SUCLG2: variants seen among roughly 807,000 people sequenced by gnomAD.
SUCLG2 encodes the protein succinate--CoA ligase [GDP-forming] subunit beta, mitochondrial.
A neutral mutation model predicts 47.9 loss-of-function variants in SUCLG2; 42 were observed. The observed-to-expected ratio is 0.88, with a 90% CI of 0.69 to 1.14. SUCLG2 has a LOEUF of 1.14. Ranked by LOEUF, SUCLG2 falls within the 50% of genes most tolerant of loss-of-function variation. SUCLG2 has a pLI of 0.00. For synonymous variants in SUCLG2, 195 were observed against 197.3 expected, an observed-to-expected ratio of 0.99 and a Z score of 0.10; for missense variants, 571 against 525.9, an observed-to-expected ratio of 1.09 and a Z score of -0.84.
intron 2 of SUCLG2, among the ~76,000 whole-genome samples, chr3:67,602,056 CAGAA>C (rs1178041417): frequency 2.0e-5 from 3 of 151,572 alleles, no homozygotes; most frequent in African/African-American, 7.3e-5. Context: ...ACCAAAAAGA[CAGAA>C]AGTAAAATTA....
At chr3:67,400,955 TTTTG>T (rs748218839) in intron 9 of SUCLG2, 104 bp from the exon 10 acceptor site, 227 of 1,506,064 alleles carry the variant, frequency 1.5e-4, no homozygotes, top group Non-Finnish European at 1.9e-4. Context: ...CTGCTCGTTT[TTTTG>T]TTTTTGTTTT....
Position 67,380,268 on chromosome 3 carries a change from C to A in SUCLG2, c.1184-4409G>T, listed in dbSNP as rs1702126036. Among the ~76,000 whole-genome samples, 4 of 151,668 alleles carry A rather than the reference C, an allele frequency of 2.6e-5. No individual in the cohort carries two copies. In the South Asian group the frequency reaches 8.3e-4, roughly 32 times the overall value. ...GGAAGAGCTGGCTGTGCTCACTGCC[C>A]TGAGTGAGGACTCCAAGCTGTTACC... On this transcript the variant is annotated intron_variant, in intron 10 of 10. Coordinates refer to ENST00000307227, the MANE Select transcript of SUCLG2 (RefSeq NM_003848.4).
chr3:67,627,234 C>T (rs1377326619), intron 1 of SUCLG2, among the ~76,000 whole-genome samples: 1 of 152,026 alleles, frequency 6.6e-6, no homozygotes, highest in Non-Finnish European at 1.5e-5. Flanking sequence ...TTAGTTATCC[C>T]CCAACCAATT....
chr3:67,475,612 A>G (rs1704728232), intron 9 of SUCLG2, among the ~76,000 whole-genome samples: 1 of 152,226 alleles, frequency 6.6e-6, no homozygotes, highest in South Asian at 2.1e-4. Context: ...CTGAGCATGA[A>G]GCATTCAGGT....
At chr3:67,367,468 G>GTGCTT (rs2106745145) in intron 10 of SUCLG2, among the ~76,000 whole-genome samples, 1 of 152,180 alleles carries the variant, frequency 6.6e-6, no homozygotes, top group East Asian at 1.9e-4. Context: ...ACTTTATGCA[G>GTGCTT]TGCTTTTTCT....
chr3:67,535,401 A>C (rs1257249206), intron 2 of SUCLG2, among the ~76,000 whole-genome samples: 1 of 151,926 alleles, frequency 6.6e-6, no homozygotes, highest in East Asian at 1.9e-4. Context: ...TGGATGGCAA[A>C]GGAGGAGCTG....
At chr3:67,444,155 G>GGT (rs1444139566) in intron 9 of SUCLG2, among the ~76,000 whole-genome samples, 1 of 41,120 alleles carries the variant, frequency 2.4e-5, no homozygotes, top group African/African-American at 8.4e-5. Context: ...CCGGGAGGGA[G>GGT]GTGGGGGAGT....
intron 9 of SUCLG2, among the ~76,000 whole-genome samples, chr3:67,475,273 T>C (rs369833321): frequency 1.3e-5 from 2 of 152,102 alleles, no homozygotes; most frequent in Non-Finnish European, 2.9e-5. Context: ...AAACAAGACA[T>C]TAAGGGCTCA....
chr3:67,404,882 A>G (rs983900324), intron 9 of SUCLG2, among the ~76,000 whole-genome samples: 1 of 152,028 alleles, frequency 6.6e-6, no homozygotes, highest in African/African-American at 2.4e-5. Flanking sequence ...TCACGTGTTC[A>G]TTCATTTTAC....
At chr3:67,415,584 T>C (rs1703022166) in intron 9 of SUCLG2, among the ~76,000 whole-genome samples, 1 of 152,250 alleles carries the variant, frequency 6.6e-6, no homozygotes, top group Non-Finnish European at 1.5e-5. Flanking sequence ...CTGTGTCATA[T>C]GGTTTGCCTT....
intron 1 of SUCLG2, among the ~76,000 whole-genome samples, chr3:67,611,398 T>C (rs1459117238): frequency 4.6e-5 from 7 of 152,226 alleles, no homozygotes; most frequent in African/African-American, 1.7e-4. Flanking sequence ...TTTTAAGTCT[T>C]GATGAAACAT....
At chr3:67,403,652 A>G (rs532961700) in intron 9 of SUCLG2, among the ~76,000 whole-genome samples, 3 of 152,290 alleles carry the variant, frequency 2.0e-5, no homozygotes, top group South Asian at 2.1e-4. Flanking sequence ...GGCTGCTGAC[A>G]TGACAGAGGA....
chr3:67,457,283 A>G (rs1704209557), intron 9 of SUCLG2, among the ~76,000 whole-genome samples: 1 of 152,226 alleles, frequency 6.6e-6, no homozygotes, highest in South Asian at 2.1e-4. Flanking sequence ...ATCAGTTCAA[A>G]AGAAAAGAAC....
At chr3:67,635,131 A>G (rs150252676) in intron 1 of SUCLG2, among the ~76,000 whole-genome samples, 28 of 152,338 alleles carry the variant, frequency 1.8e-4, no homozygotes, top group Admixed American at 1.6e-3. Context: ...AAGAGCCAGC[A>G]AAACAACATG....
chr3:67,396,972 AC>A (rs1339393593), intron 10 of SUCLG2, among the ~76,000 whole-genome samples: 8 of 151,702 alleles, frequency 5.3e-5, no homozygotes, highest in South Asian at 2.1e-4. Flanking sequence ...AAATTCAACA[AC>A]CCTTCATGCT....
intron 9 of SUCLG2, among the ~76,000 whole-genome samples, chr3:67,432,316 C>T (rs1703505099): frequency 6.6e-6 from 1 of 152,168 alleles, no homozygotes; most frequent in Non-Finnish European, 1.5e-5. Flanking sequence ...TTTTTACAGA[C>T]AGCAATTGGT....
At chr3:67,457,192 A>C (rs1239636632) in intron 9 of SUCLG2, among the ~76,000 whole-genome samples, 1 of 152,166 alleles carries the variant, frequency 6.6e-6, no homozygotes, top group East Asian at 1.9e-4. Flanking sequence ...CTAATGGTTA[A>C]GACCTGTGCC....
chr3:67,455,105 G>A (rs1035751469), intron 9 of SUCLG2, among the ~76,000 whole-genome samples: 1 of 152,004 alleles, frequency 6.6e-6, no homozygotes, highest in Non-Finnish European at 1.5e-5. Context: ...TTCACACATT[G>A]CATGTAGTTC....
At chr3:67,597,937 C>CA (rs201597397) in intron 2 of SUCLG2, among the ~76,000 whole-genome samples, 1,705 of 151,744 alleles carry the variant, frequency 0.011, 38 homozygotes, top group African/African-American at 0.038. Flanking sequence ...GACTCCATCT[C>CA]AAAAAACAAA....
Sources: allele counts gnomAD v4.1 joint callset (sites outside exome capture counted in the v4.1 genomes callset), GRCh38; gene constraint gnomAD v4.1.1; transcripts MANE v1.5; gene names NCBI Gene and HGNC (gene_info 2026-07-23, HGNC 2026-07-21).